The following SELENOI variants were observed in gnomAD, a reference collection of about 807,000 sequenced individuals.
The protein encoded by SELENOI is selenoprotein I, also known as ethanolaminephosphotransferase 1.
A neutral mutation model predicts 50.7 loss-of-function variants in SELENOI; 24 were observed. That is an observed-to-expected ratio of 0.47 (90% confidence interval 0.34 to 0.67). SELENOI has a LOEUF of 0.67. Ranked by LOEUF, SELENOI falls within the 30% of genes least tolerant of loss-of-function variation. The probability of loss-of-function intolerance (pLI) is 0.01; values close to 1 mark genes in which losing one functional copy is unlikely to be tolerated. For synonymous variants in SELENOI, 155 were observed against 170.2 expected, an observed-to-expected ratio of 0.91 and a Z score of 0.70; for missense variants, 352 against 461.4, an observed-to-expected ratio of 0.76 and a Z score of 2.17.
chr2:26,383,145 G>C (rs1677743338), intron 6 of SELENOI, among the ~76,000 whole-genome samples, 154 bp from the exon 7 acceptor site: 1 of 152,126 alleles, frequency 6.6e-6, no homozygotes, highest in Non-Finnish European at 1.5e-5. Context: ...TCTTCCTGTT[G>C]TAAATGTTGT....
chr2:26,364,105 T>G (rs1677238172), intron 1 of SELENOI, among the ~76,000 whole-genome samples, 197 bp from the exon 2 acceptor site: 1 of 133,362 alleles, frequency 7.5e-6, no homozygotes, highest in Non-Finnish European at 1.6e-5. Flanking sequence ...TTTTTGGAGA[T>G]GGGATCTCAC....
Position 26,376,614 on chromosome 2 carries a change from AG to A in SELENOI, c.682+1467del, listed in dbSNP as rs201905221. On this transcript the variant is annotated intron_variant, in intron 6 of 9. Transcript: ENST00000260585. ...TGTTTGAAATGCACCAGTACTCTTTAGCCCCCTGCTTAGCCCCCGGGTTGTG... is the reference window on the plus strand; with the variant it reads ...TGTTTGAAATGCACCAGTACTCTTTACCCCCTGCTTAGCCCCCGGGTTGTG... Among the ~76,000 whole-genome samples the A allele has an allele frequency of 9.7e-3, 1,479 of 152,328 alleles. 35 individuals carry two copies. Among genetic ancestry groups the A allele is most frequent in the African/African-American group, 0.034 (1,401 of 41,572 alleles).
Position 26,383,293 on chromosome 2 carries a change from C to A in SELENOI, c.683-6C>A. On this transcript the variant is annotated splice_polypyrimidine_tract_variant and splice_region_variant and intron_variant, in intron 6 of 9. Coordinates refer to ENST00000260585, the MANE Select transcript of SELENOI (RefSeq NM_033505.4). ...AGCATAATAATTGAATAATTATTCC[C>A]TTTAGGTTGTGCATTATGTGTGACT... The A allele has an allele frequency of 6.5e-7, 1 of 1,530,076 alleles. No individual in the cohort carries two copies. Among genetic ancestry groups the A allele is most frequent in the Non-Finnish European group, 8.9e-7 (1 of 1,126,936 alleles). The allele number at this position is 1,530,076 out of a possible 1,614,324, so 94.8% of individuals were successfully genotyped here.
At chr2:26,352,467 G>T (rs1199744524) in intron 1 of SELENOI, among the ~76,000 whole-genome samples, 1 of 152,078 alleles carries the variant, frequency 6.6e-6, no homozygotes. Context: ...GTTTAATTTG[G>T]CCCACACTTG....
At chr2:26,347,079 G>T (rs1326276395) in intron 1 of SELENOI, among the ~76,000 whole-genome samples, 1 of 152,102 alleles carries the variant, frequency 6.6e-6, no homozygotes, top group African/African-American at 2.4e-5. Flanking sequence ...GTTCCCATCC[G>T]CAGTTCCTTT....
intron 4 of SELENOI, among the ~76,000 whole-genome samples, chr2:26,371,392 A>T (rs957731565): frequency 1.3e-5 from 2 of 151,530 alleles, no homozygotes; most frequent in African/African-American, 4.9e-5. Flanking sequence ...AGCCGGGCAG[A>T]GACGCTCCTC....
intron 6 of SELENOI, among the ~76,000 whole-genome samples, chr2:26,380,997 CA>C (rs1677681217): frequency 1.3e-5 from 2 of 150,886 alleles, no homozygotes; most frequent in South Asian, 4.2e-4. Context: ...AGAAGCTATT[CA>C]TATATTAGGT....
Position 26,364,936 on chromosome 2 carries a change from C to T in SELENOI, c.231C>T (p.Ala77=). The change falls in exon 3 of 10, where the codon GCC becomes GCT. Residue 77 remains alanine, a synonymous_variant. Transcript: ENST00000260585. ...CATACTTTGATCCTGACTTTTATGC[C>T]TCAGGTAAGAATATTACTTTATTAT... ...LMAYFDPDFY[A]SAPGHKHVPD... is the part of the protein sequence containing the mutation. 2 of 1,587,650 alleles carry T rather than the reference C, an allele frequency of 1.3e-6. No homozygotes were observed. The highest frequency in any genetic ancestry group is 1.7e-6 in the Non-Finnish European group (2 of 1,165,144).
intron 1 of SELENOI, among the ~76,000 whole-genome samples, chr2:26,348,196 C>T (rs1343529347): frequency 6.6e-6 from 1 of 152,110 alleles, no homozygotes; most frequent in Non-Finnish European, 1.5e-5. Flanking sequence ...CGTTGCGTTC[C>T]CCTTATGTTG....
rs545048540 is a variant in SELENOI at position 26,390,080 on chromosome 2, G to A, written c.*977G>A. On this transcript the variant is annotated 3_prime_UTR_variant, in exon 10 of 10. Transcript: ENST00000260585. ...AGGTGCTGTGTTTCTTATTTCATAC[G>A]AGATAAAACAGAGAGAAGTTCTCTC... The A allele has an allele frequency of 6.9e-6, 1 of 144,128 alleles. No individual in the cohort carries two copies. Among genetic ancestry groups the A allele is most frequent in the South Asian group, 2.4e-4 (1 of 4,156 alleles). The allele number at this position is 144,128 out of a possible 1,614,324, so 8.9% of individuals were successfully genotyped here.
At position 26,357,565 on chromosome 2, in the gene SELENOI, C is replaced by T. The variant is rs552215829; in HGVS notation, c.58-6737C>T. ...CCACACACCCTCCAAAAGCTCTAGG[C>T]GAGAATCCTTCCTTGCCTCTATTTC... On this transcript the variant is annotated intron_variant, in intron 1 of 9. Coordinates refer to ENST00000260585, the MANE Select transcript of SELENOI (RefSeq NM_033505.4). Among the ~76,000 whole-genome samples, 3 of 152,306 alleles carry T rather than the reference C, an allele frequency of 2.0e-5. No individual in the cohort carries two copies. The East Asian group carries it at 5.8e-4, about 29-fold the overall frequency.
rs1269778262 is a variant in SELENOI, at chr2:26,392,092, C to T, written c.*2989C>T. ...TAGGATGTTACAGTACTAATACCAT[C>T]ATGTTATTTATTCTAATATAGAGGC... is the stretch of plus-strand genomic sequence containing the variant. On this transcript the variant is annotated 3_prime_UTR_variant, in exon 10 of 10. Transcript: ENST00000260585. 2 of 152,194 alleles carry T rather than the reference C, an allele frequency of 1.3e-5. No individual in the cohort carries two copies. The highest frequency in any genetic ancestry group is 1.9e-4 in the East Asian group (1 of 5,180). The allele number at this position is 152,194 out of a possible 1,614,324, so 9.4% of individuals were successfully genotyped here. A position where few individuals can be genotyped will look rare whatever the true frequency, so the allele number is the denominator to read the frequency against.
At chr2:26,387,556 T>TGTG (rs559946051) in intron 9 of SELENOI, among the ~76,000 whole-genome samples, 1 of 150,984 alleles carries the variant, frequency 6.6e-6, no homozygotes, top group African/African-American at 2.4e-5. Context: ...ATTAGCCAGA[T>TGTG]GTGGTGGTAC....
intron 4 of SELENOI, among the ~76,000 whole-genome samples, chr2:26,373,138 C>CT (rs1677494146): frequency 6.6e-6 from 1 of 152,260 alleles, no homozygotes; most frequent in Non-Finnish European, 1.5e-5. Context: ...ATCCTCCTGC[C>CT]TTGGCCTCCC....
At position 26,386,464 on chromosome 2, in the gene SELENOI, C is replaced by T. The variant is rs749959444; in HGVS notation, c.1023C>T (p.Tyr341=). 1.7e-5 allele frequency: 27 copies of T among 1,613,752 alleles called. No homozygotes were observed. The highest frequency in any genetic ancestry group is 1.4e-4 in the South Asian group (13 of 91,074). ...VLVVNLGVAS[Y]VESILLYTLT... ...TGGTAAACCTAGGAGTAGCCTCTTACGTTGAGAGCATTCTCCTGTATACAT... is the reference window on the plus strand; with the variant it reads ...TGGTAAACCTAGGAGTAGCCTCTTATGTTGAGAGCATTCTCCTGTATACAT... Residue 341 remains tyrosine (Y), a synonymous_variant, in exon 9 of 10, where the codon TAC becomes TAT. Transcript: ENST00000260585.
intron 1 of SELENOI, among the ~76,000 whole-genome samples, chr2:26,361,941 A>G (rs938711257): frequency 2.9e-4 from 44 of 152,124 alleles, no homozygotes; most frequent in Admixed American, 2.6e-3. Flanking sequence ...TATAGGCGTG[A>G]GCCACGCACC....
At chr2:26,357,047 T>G (rs1677079397) in intron 1 of SELENOI, among the ~76,000 whole-genome samples, 1 of 151,328 alleles carries the variant, frequency 6.6e-6, no homozygotes, top group Non-Finnish European at 1.5e-5. Flanking sequence ...TGTAATACAT[T>G]AAGATCTTAA....
chr2:26,371,850 G>C (rs1040998348), intron 4 of SELENOI, among the ~76,000 whole-genome samples: 1 of 151,904 alleles, frequency 6.6e-6, no homozygotes, highest in African/African-American at 2.4e-5. Flanking sequence ...GGGAGACCAT[G>C]GGGAGAGGGA....
chr2:26,347,630 T>C (rs1362705245), intron 1 of SELENOI, among the ~76,000 whole-genome samples: 1 of 152,206 alleles, frequency 6.6e-6, no homozygotes, highest in Admixed American at 6.5e-5. Flanking sequence ...TTAACCCAGA[T>C]ACCTCCTGTT....
Sources: gnomAD v4.1 joint callset for allele counts (sites outside exome capture counted in the v4.1 genomes callset) on GRCh38, gnomAD v4.1.1 for gene constraint, MANE v1.5 for transcripts, NCBI Gene and HGNC (gene_info 2026-07-23, HGNC 2026-07-21) for gene names.